The following MAP2 variants were observed in gnomAD, a reference collection of about 807,000 sequenced individuals.
MAP2 encodes the protein microtubule-associated protein 2.
MAP2 carries 14 observed loss-of-function variants against 137.6 expected under a neutral mutation model. The ratio of observed to expected loss-of-function variants is 0.10; its 90% confidence interval spans 0.07 to 0.16. MAP2 has a LOEUF of 0.16. Ranked by LOEUF, MAP2 falls within the 10% of genes least tolerant of loss-of-function variation. MAP2 has a pLI of 1.00. For synonymous variants in MAP2, 786 were observed against 782.3 expected, an observed-to-expected ratio of 1.00 and a Z score of -0.08; for missense variants, 2,088 against 2,191.5, an observed-to-expected ratio of 0.95 and a Z score of 0.94.
chr2:209,510,445 T>G (rs2061591340), intron 2 of MAP2, among the ~76,000 whole-genome samples: 2 of 152,044 alleles, frequency 1.3e-5, no homozygotes, highest in South Asian at 2.1e-4. Flanking sequence ...CTGCTGACAT[T>G]GTACTTAGGA....
intron 3 of MAP2, among the ~76,000 whole-genome samples, chr2:209,618,629 A>G (rs996245870): frequency 6.6e-6 from 1 of 152,172 alleles, no homozygotes; most frequent in Non-Finnish European, 1.5e-5. Context: ...AAAAGACAAT[A>G]TATAAGTGTT....
chr2:209,596,815 A>C (rs910944004), intron 3 of MAP2, among the ~76,000 whole-genome samples: 6 of 152,164 alleles, frequency 3.9e-5, no homozygotes, highest in Non-Finnish European at 8.8e-5. Flanking sequence ...TTGTTGCAAA[A>C]AGCTGGCACA....
intron 2 of MAP2, among the ~76,000 whole-genome samples, chr2:209,558,914 A>C (rs1366868577): frequency 6.6e-6 from 1 of 151,944 alleles, no homozygotes; most frequent in Non-Finnish European, 1.5e-5. Context: ...AATAGATGAT[A>C]TTGGACACTT....
At chr2:209,553,412 A>T (rs557531300) in intron 2 of MAP2, among the ~76,000 whole-genome samples, 1 of 152,306 alleles carries the variant, frequency 6.6e-6, no homozygotes, top group African/African-American at 2.4e-5. Flanking sequence ...CATAAACCAG[A>T]TGCTTGTGTT....
chr2:209,576,429 T>A (rs1329906983), intron 2 of MAP2, among the ~76,000 whole-genome samples: 1 of 151,676 alleles, frequency 6.6e-6, no homozygotes, highest in East Asian at 1.9e-4. Context: ...TTTTTTTTTT[T>A]AGTAGAGATG....
intron 2 of MAP2, among the ~76,000 whole-genome samples, chr2:209,564,908 T>C (rs1303548614): frequency 6.6e-6 from 1 of 152,172 alleles, no homozygotes; most frequent in Non-Finnish European, 1.5e-5. Context: ...TCTGCCTTTT[T>C]TCACTCAACA....
chr2:209,630,413 C>T (rs1213430100), intron 4 of MAP2, among the ~76,000 whole-genome samples: 1 of 152,138 alleles, frequency 6.6e-6, no homozygotes, highest in Non-Finnish European at 1.5e-5. Context: ...TGTGCTTTCT[C>T]ATGAATGCCA....
At position 209,678,529 on chromosome 2, in the gene MAP2, G is replaced by A. The variant is rs1278842300; in HGVS notation, c.263-43G>A. On this transcript the variant is annotated intron_variant, in intron 5 of 15. Coordinates refer to ENST00000682079, the MANE Select transcript of MAP2 (RefSeq NM_001375505.1). ...GTTACTTTTCCTCTTTGCTTTCTCA[G>A]ACTTCTCATCGTTATATTTTATTTT... 5.9e-6 allele frequency: 6 copies of A among 1,021,276 alleles called. No homozygotes were observed. In the Admixed American group the frequency reaches 7.5e-5, roughly 13 times the overall value. 63.3% of individuals were successfully genotyped at this position (1,021,276 alleles called of 1,614,324 possible).
chr2:209,728,497 G>A (rs1285368325), intron 14 of MAP2, among the ~76,000 whole-genome samples: 1 of 152,178 alleles, frequency 6.6e-6, no homozygotes, highest in Non-Finnish European at 1.5e-5. Context: ...AAAGAAGAAC[G>A]AATGGATGTT....
intron 1 of MAP2, among the ~76,000 whole-genome samples, chr2:209,481,506 A>G (rs1225685073): frequency 2.0e-5 from 3 of 152,216 alleles, no homozygotes; most frequent in Non-Finnish European, 2.9e-5. Context: ...CTAGCTGTCA[A>G]CCAATCAATG....
intron 1 of MAP2, among the ~76,000 whole-genome samples, chr2:209,426,673 C>T (rs141197807): frequency 6.6e-6 from 1 of 152,270 alleles, no homozygotes; most frequent in Non-Finnish European, 1.5e-5. Context: ...CATCTCAGGG[C>T]AAAAGCCTTT....
intron 12 of MAP2, among the ~76,000 whole-genome samples, chr2:209,707,650 C>A (rs1325525850): frequency 1.3e-5 from 2 of 152,056 alleles, no homozygotes; most frequent in Non-Finnish European, 2.9e-5. Flanking sequence ...TAGGCTTAAC[C>A]TCTTCAAGTT....
intron 5 of MAP2, among the ~76,000 whole-genome samples, chr2:209,671,896 A>G (rs1273058786): frequency 6.6e-6 from 1 of 151,910 alleles, no homozygotes; most frequent in Non-Finnish European, 1.5e-5. Context: ...GGGTCCACCA[A>G]CAATGTTACA....
chr2:209,483,296 G>A (rs963375622), intron 1 of MAP2, among the ~76,000 whole-genome samples: 1 of 152,130 alleles, frequency 6.6e-6, no homozygotes, highest in African/African-American at 2.4e-5. Flanking sequence ...GTGTTATAAA[G>A]TGTACCTTGT....
chr2:209,618,103 T>G (rs1481184146), intron 3 of MAP2, among the ~76,000 whole-genome samples: 1 of 151,966 alleles, frequency 6.6e-6, no homozygotes, highest in Non-Finnish European at 1.5e-5. Context: ...CATACATCAG[T>G]GAAAGAAACA....
At chr2:209,539,022 C>T (rs1232980253) in intron 2 of MAP2, among the ~76,000 whole-genome samples, 1 of 152,014 alleles carries the variant, frequency 6.6e-6, no homozygotes, top group Non-Finnish European at 1.5e-5. Context: ...TAGAATGATA[C>T]ACATCTTTTC....
chr2:209,567,587 A>G (rs1477404020), intron 2 of MAP2, among the ~76,000 whole-genome samples: 1 of 152,006 alleles, frequency 6.6e-6, no homozygotes, highest in African/African-American at 2.4e-5. Context: ...TAGATAGACC[A>G]TGCCTAGAAA....
chr2:209,659,890 T>C (rs2042601034), intron 5 of MAP2, among the ~76,000 whole-genome samples: 1 of 151,504 alleles, frequency 6.6e-6, no homozygotes, highest in Non-Finnish European at 1.5e-5. Flanking sequence ...TAGAAAAAAT[T>C]AGCCGGGCGT....
chr2:209,579,783 T>G (rs2075987358), intron 2 of MAP2: 1 of 152,094 alleles, frequency 6.6e-6, no homozygotes, highest in Non-Finnish European at 1.5e-5. Context: ...TTAATTTTAT[T>G]TCGTTTCATT....
Sources: gnomAD v4.1 joint callset for allele counts (sites outside exome capture counted in the v4.1 genomes callset) on GRCh38, gnomAD v4.1.1 for gene constraint, MANE v1.5 for transcripts, NCBI Gene and HGNC (gene_info 2026-07-23, HGNC 2026-07-21) for gene names.